Variants in ASAP1 observed in about 807,000 individuals in gnomAD.
ASAP1 encodes arf-GAP with SH3 domain, ANK repeat and PH domain-containing protein 1.
ASAP1 carries 43 observed loss-of-function variants against 145.2 expected under a neutral mutation model. The observed-to-expected ratio is 0.30, with a 90% confidence interval of 0.23 to 0.38. The LOEUF (loss-of-function observed/expected upper bound fraction) is 0.38, where lower values mean the gene tolerates loss of function less well. ASAP1 is among the 10% of genes least tolerant of loss of function. ASAP1 has a pLI of 1.00. For synonymous variants in ASAP1, 546 were observed against 515.5 expected (o/e 1.06, Z -0.80); for missense variants, 1,018 against 1,355.3 (o/e 0.75, Z 3.91).
intron 1 of ASAP1, among the ~76,000 whole-genome samples, chr8:130,409,537 A>C (rs1269839576): frequency 6.6e-6 from 1 of 152,004 alleles, no homozygotes; most frequent in Non-Finnish European, 1.5e-5. Flanking sequence ...CCTTCTGATA[A>C]CTCTATCTTC....
intron 2 of ASAP1, among the ~76,000 whole-genome samples, chr8:130,389,161 A>G (rs1386917517): frequency 6.6e-6 from 1 of 152,214 alleles, no homozygotes; most frequent in South Asian, 2.1e-4. Context: ...ATGAATACTT[A>G]GTGCCAAGTG....
chr8:130,347,068 A>T (rs1586877230), intron 3 of ASAP1, among the ~76,000 whole-genome samples: 1 of 152,226 alleles, frequency 6.6e-6, no homozygotes, highest in East Asian at 1.9e-4. Context: ...TCTGTTATTT[A>T]ACACTGAGGA....
At chr8:130,120,314 G>A (rs189286701) in intron 18 of ASAP1, among the ~76,000 whole-genome samples, 1 of 152,350 alleles carries the variant, frequency 6.6e-6, no homozygotes, top group East Asian at 1.9e-4. Context: ...TGTGTTGATG[G>A]ATGGAGCAGC....
chr8:130,064,006 C>A (rs1435059187), intron 27 of ASAP1, among the ~76,000 whole-genome samples: 1 of 151,970 alleles, frequency 6.6e-6, no homozygotes, highest in Non-Finnish European at 1.5e-5. Flanking sequence ...AGGGTGTGGT[C>A]AGGGAAGGCC....
intron 2 of ASAP1, among the ~76,000 whole-genome samples, chr8:130,373,756 A>T (rs1197812502): frequency 6.8e-6 from 1 of 146,476 alleles, no homozygotes; most frequent in East Asian, 2.2e-4. Context: ...CTGAGGCAGG[A>T]GAATTGCTTG....
At chr8:130,141,177 C>G (rs1477789765) in intron 13 of ASAP1, among the ~76,000 whole-genome samples, 2 of 152,138 alleles carry the variant, frequency 1.3e-5, no homozygotes, top group Admixed American at 6.5e-5. Context: ...GAAAACAAAA[C>G]AGGAGAAACT....
intron 1 of ASAP1, among the ~76,000 whole-genome samples, chr8:130,434,936 C>G (rs571640249): frequency 1.1e-4 from 17 of 152,288 alleles, no homozygotes; most frequent in African/African-American, 3.6e-4. Context: ...TACAGCCCAT[C>G]CCCTGAAAAC....
rs376889213 is a variant in ASAP1, at chr8:130,401,861, C to G, written c.59+24G>C. On this transcript the variant is annotated intron_variant, in intron 2 of 29. Transcript: ENST00000518721. ...TATCTCCCACGCCGAGTTTTCTGGA[C>G]AGGATGGGCTAGAGATCACTCACCG... 6.2e-5 allele frequency: 99 copies of G among 1,608,060 alleles called. 1 individual carries two copies. The South Asian group carries it at 8.2e-4, about 13-fold the overall frequency.
intron 27 of ASAP1, among the ~76,000 whole-genome samples, chr8:130,073,801 C>T (rs1000663624): frequency 1.3e-5 from 2 of 152,148 alleles, no homozygotes; most frequent in Non-Finnish European, 2.9e-5. Context: ...AGAGACAATG[C>T]GATGGTGTAC....
chr8:130,110,550 G>A (rs1262147326), intron 24 of ASAP1, among the ~76,000 whole-genome samples: 3 of 152,196 alleles, frequency 2.0e-5, no homozygotes, highest in African/African-American at 7.2e-5. Flanking sequence ...CTTGATATGT[G>A]AGTGATTTAA....
At chr8:130,361,691 T>A (rs1385546657) in intron 2 of ASAP1, 1 of 1,534,580 alleles carries the variant, frequency 6.5e-7, no homozygotes, top group Non-Finnish European at 8.7e-7. Context: ...CATAATCCTC[T>A]TTAAATTTGA....
chr8:130,072,323 T>C (rs376991828), intron 27 of ASAP1, among the ~76,000 whole-genome samples: 30 of 152,304 alleles, frequency 2.0e-4, no homozygotes, highest in Admixed American at 5.2e-4. Context: ...TGGGAGATAA[T>C]TGAATCATGG....
Position 130,420,003 on chromosome 8 carries a change from CTGGTCTCG to C in ASAP1, c.-27-18041_-27-18034del, listed in dbSNP as rs201991665. Among the ~76,000 whole-genome samples the C allele has an allele frequency of 6.9e-3, 1,048 of 151,108 alleles. 6 individuals carry two copies. Among genetic ancestry groups the C allele is most frequent in the African/African-American group, 0.021 (863 of 41,058 alleles). On this transcript the variant is annotated intron_variant, in intron 1 of 29. Transcript: ENST00000518721. ...TGGGGGTCTTGCTATGTTTACCAGGCTGGTCTCGAACTCCTGGTCTCAAGCAATCCTCC... is the reference window on the plus strand; with the variant it reads ...TGGGGGTCTTGCTATGTTTACCAGGCAACTCCTGGTCTCAAGCAATCCTCC...
chr8:130,219,475 C>A (rs1016385756), intron 4 of ASAP1, among the ~76,000 whole-genome samples: 1 of 152,002 alleles, frequency 6.6e-6, no homozygotes, highest in African/African-American at 2.4e-5. Context: ...AAGAAGGCTG[C>A]GGTGGTGGGA....
intron 15 of ASAP1, among the ~76,000 whole-genome samples, chr8:130,130,365 T>G (rs943977067): frequency 2.0e-5 from 3 of 152,186 alleles, no homozygotes; most frequent in Non-Finnish European, 4.4e-5. Flanking sequence ...TTCCTTCCAT[T>G]TGCCTCTTTA....
chr8:130,170,384 A>G (rs1464787335), intron 9 of ASAP1, among the ~76,000 whole-genome samples: 1 of 152,048 alleles, frequency 6.6e-6, no homozygotes, highest in Non-Finnish European at 1.5e-5. Flanking sequence ...TGAACTCCTG[A>G]CCTCAAGTGA....
chr8:130,236,855 A>T (rs1291413515), intron 4 of ASAP1, 67 bp downstream of exon 4: 4 of 1,193,070 alleles, frequency 3.4e-6, no homozygotes, highest in Non-Finnish European at 4.7e-6. Flanking sequence ...ACATCTTTTA[A>T]ATAACTAACA....
chr8:130,187,179 C>A, intron 7 of ASAP1, 57 bp downstream of exon 7: 2 of 1,468,978 alleles, frequency 1.4e-6, no homozygotes, highest in South Asian at 1.2e-5. Flanking sequence ...TTTTGTTGTC[C>A]AAAATTCACA....
At chr8:130,312,882 G>A (rs1823444486) in intron 3 of ASAP1, among the ~76,000 whole-genome samples, 1 of 152,156 alleles carries the variant, frequency 6.6e-6, no homozygotes, top group South Asian at 2.1e-4. Flanking sequence ...AACAAGATGA[G>A]GGAATAAGCA....
Sources: allele counts gnomAD v4.1 joint callset (sites outside exome capture counted in the v4.1 genomes callset), GRCh38; gene constraint gnomAD v4.1.1; transcripts MANE v1.5; gene names NCBI Gene and HGNC (gene_info 2026-07-23, HGNC 2026-07-21).